The following EPB41L1 variants were observed in gnomAD, a reference collection of about 807,000 sequenced individuals.
EPB41L1 encodes the protein erythrocyte membrane protein band 4.1 like 1, also known as band 4.1-like protein 1.
In EPB41L1, 29 loss-of-function variants were observed where a neutral mutation model predicts 97.8. That is an observed-to-expected ratio of 0.30 (90% CI 0.22 to 0.40). The LOEUF is 0.40. Among genes scored for constraint, EPB41L1 ranks in the 10% least tolerant of loss-of-function variants. The pLI is 1.00. For missense variants in EPB41L1, 812 were observed against 1,162.3 expected (o/e 0.70, Z 4.38); for synonymous variants, 383 against 459.2 (o/e 0.83, Z 2.12).
At chr20:36,181,369 T>G (rs141174946) in intron 5 of EPB41L1, among the ~76,000 whole-genome samples, 1 of 152,230 alleles carries the variant, frequency 6.6e-6, no homozygotes, top group African/African-American at 2.4e-5. Flanking sequence ...TTGCAGAGCT[T>G]GCTTCCAGCT....
intron 2 of EPB41L1, among the ~76,000 whole-genome samples, chr20:36,129,280 C>T (rs1367541283): frequency 2.6e-5 from 4 of 152,100 alleles, no homozygotes; most frequent in African/African-American, 7.2e-5. Context: ...GGCTCTTGTA[C>T]GTGAGGCCTC....
Position 36,222,368 on chromosome 20 carries a change from C to T in EPB41L1, c.2611C>T (p.Pro871Ser), listed in dbSNP as rs1431222136. The T allele has an allele frequency of 6.2e-7, 1 of 1,614,014 alleles. No homozygotes were observed. ...CGTATACAGAGAAACAGACCCATCC[C>T]CAGAGGAGAGGGACAAGAAGCCACA... Reference protein sequence around the residue: ...AVVYRETDPSPEERDKKPQES With the variant: ...AVVYRETDPSSEERDKKPQES The change falls in exon 21 of 22, where the codon CCA (proline) becomes TCA (serine). Residue 871 changes from proline to serine, a missense_variant. Physicochemically the swap from Pro to Ser is moderately conservative, Grantham distance 74 (BLOSUM62 -1). This residue lies in a region of EPB41L1 where 498 missense variants were observed against 622.7 expected (regional missense o/e 0.80). Coordinates refer to ENST00000338074, the MANE Select transcript of EPB41L1 (RefSeq NM_012156.2).
At chr20:36,154,552 A>C (rs1600634072), upstream of EPB41L1, among the ~76,000 whole-genome samples, 1 of 132,686 alleles carries the variant, frequency 7.5e-6, no homozygotes, top group African/African-American at 2.8e-5. The surrounding 1 kb of genome is among the most constrained non-coding windows in gnomAD (Gnocchi z 5.5). Flanking sequence ...GGCAGAGAGG[A>C]GGCGGAGGCA....
chr20:36,143,716 G>A (rs2145358489), intron 2 of EPB41L1, among the ~76,000 whole-genome samples: 1 of 152,200 alleles, frequency 6.6e-6, no homozygotes. Flanking sequence ...GTGTGTGTGA[G>A]TGTGACTTTG....
chr20:36,203,570 T>C (rs1040440141), intron 14 of EPB41L1, among the ~76,000 whole-genome samples: 9 of 152,366 alleles, frequency 5.9e-5, no homozygotes, highest in Non-Finnish European at 1.3e-4. Context: ...TTGGCCATCA[T>C]TGCCAGGCGG....
chr20:36,201,240 C>T (rs1043346413), intron 14 of EPB41L1, among the ~76,000 whole-genome samples: 1 of 152,204 alleles, frequency 6.6e-6, no homozygotes, highest in Admixed American at 6.5e-5. Flanking sequence ...ACAGAACAGC[C>T]TGCATTGCCT....
chr20:36,207,105 T>TTCTGAGGACCTGGCAGC lies in EPB41L1; in HGVS notation c.1669-2378_1669-2362dup. 1 of 1,289,376 alleles carries TTCTGAGGACCTGGCAGC rather than the reference T, an allele frequency of 7.8e-7. No homozygotes were observed. The highest frequency in any genetic ancestry group is 1.0e-6 in the Non-Finnish European group (1 of 988,514). The allele number at this position is 1,289,376 out of a possible 1,614,324, so 79.9% of individuals were successfully genotyped here. ...TTCCCCTGCCAGCCTCCCCTGGTCA[T>TTCTGAGGACCTGGCAGC]TCTGAGGACCTGGCAGCTCTGGAGG... On this transcript the variant is annotated intron_variant, in intron 14 of 21. Coordinates refer to ENST00000338074, the MANE Select transcript of EPB41L1 (RefSeq NM_012156.2). The surrounding 1 kb of genome is among the most constrained non-coding windows in gnomAD (Gnocchi z 4.9).
chr20:36,190,780 C>A lies in EPB41L1; in HGVS notation c.1283C>A (p.Ser428Tyr), dbSNP rs759834206. The A allele has an allele frequency of 1.2e-6, 2 of 1,614,060 alleles. No homozygotes were observed. Among genetic ancestry groups the A allele is most frequent in the South Asian group, 2.2e-5 (2 of 91,076 alleles). ...TCTTCCAGCAAACGGTACACCATGT[C>A]CCGCAGCCTTGATGGAGGTATGGCC... ...ERSSSKRYTM[S>Y]RSLDGAEFSR... is the part of the protein sequence containing the mutation. Residue 428 changes from serine to tyrosine, a missense_variant, in exon 11 of 22, where the codon TCC becomes TAC. Ser to Tyr is a moderately radical substitution (Grantham distance 144). Around this residue, in one of 3 missense-constraint regions of EPB41L1, gnomAD observed 498 missense variants for 622.7 expected, o/e 0.80. Transcript: ENST00000338074. The surrounding 1 kb of genome is among the most constrained non-coding windows in gnomAD (Gnocchi z 5.8).
At chr20:36,219,017 TG>T in intron 18 of EPB41L1, 55 bp downstream of exon 18, 1 of 1,564,692 alleles carries the variant, frequency 6.4e-7, no homozygotes, top group East Asian at 2.3e-5. Flanking sequence ...AATATGGGCA[TG>T]GACCCATGTA....
chr20:36,191,796 C>T (rs1281413265), intron 11 of EPB41L1, among the ~76,000 whole-genome samples: 1 of 152,212 alleles, frequency 6.6e-6, no homozygotes, highest in Non-Finnish European at 1.5e-5. Flanking sequence ...CTACAAAATA[C>T]ATAGTACCTA....
intron 1 of EPB41L1, among the ~76,000 whole-genome samples, chr20:36,167,160 G>A (rs1352227442): frequency 6.6e-6 from 1 of 152,186 alleles, no homozygotes; most frequent in Non-Finnish European, 1.5e-5. Context: ...GGTGGGAGCT[G>A]CCAAGCTGTC....
At chr20:36,125,832 G>A (rs902498913) in intron 2 of EPB41L1, among the ~76,000 whole-genome samples, 1 of 152,182 alleles carries the variant, frequency 6.6e-6, no homozygotes, top group Admixed American at 6.5e-5. Flanking sequence ...GAGACGGATG[G>A]TAGTCTGTTG....
chr20:36,101,935 G>A (rs969530892), intron 1 of EPB41L1, among the ~76,000 whole-genome samples: 6 of 152,156 alleles, frequency 3.9e-5, no homozygotes, highest in African/African-American at 1.4e-4. Flanking sequence ...AACCTGGGAG[G>A]CGGAGGTTGC....
chr20:36,157,038 A>G (rs932815002), intron 1 of EPB41L1, among the ~76,000 whole-genome samples: 1 of 152,184 alleles, frequency 6.6e-6, no homozygotes, highest in Non-Finnish European at 1.5e-5. Flanking sequence ...ATCCTGGCCA[A>G]CATGGTGAAA....
chr20:36,172,511 T>A (rs1352125044), intron 1 of EPB41L1, among the ~76,000 whole-genome samples: 1 of 152,266 alleles, frequency 6.6e-6, no homozygotes, highest in Non-Finnish European at 1.5e-5. Context: ...CTTACCAACC[T>A]CTCTTAACAT....
At chr20:36,173,318 A>G (rs544516254) in intron 1 of EPB41L1, among the ~76,000 whole-genome samples, 3 of 152,248 alleles carry the variant, frequency 2.0e-5, no homozygotes, top group South Asian at 4.2e-4. Context: ...TCAGCACTGG[A>G]AAGGTCTGGA....
intron 1 of EPB41L1, among the ~76,000 whole-genome samples, chr20:36,098,659 C>A (rs576468468): frequency 6.6e-6 from 1 of 152,304 alleles, no homozygotes; most frequent in East Asian, 1.9e-4. Flanking sequence ...TCTGCAAAGA[C>A]CCTGTTTCCA....
upstream of EPB41L1, chr20:36,154,735 G>C: frequency 1.0e-6 from 1 of 986,298 alleles, no homozygotes; most frequent in Non-Finnish European, 1.2e-6. This position sits in a 1 kb window ranked among gnomAD's most constrained non-coding sequence, Gnocchi z 5.5. Context: ...CGCCGCCGCT[G>C]CTGCAGTCGG....
chr20:36,111,718 C>T (rs759103076), intron 1 of EPB41L1, among the ~76,000 whole-genome samples: 1 of 142,126 alleles, frequency 7.0e-6, no homozygotes, highest in Non-Finnish European at 1.5e-5. Context: ...ACCTGGGATG[C>T]GGAGGTTGCA....
Sources: allele counts gnomAD v4.1 joint callset (sites outside exome capture counted in the v4.1 genomes callset), GRCh38; gene constraint gnomAD v4.1.1; regional missense constraint gnomAD v4.1.1; non-coding constraint Gnocchi (gnomAD v3.1); transcripts MANE v1.5; gene names NCBI Gene and HGNC (gene_info 2026-07-23, HGNC 2026-07-21).